The following GALNTL5 variants were observed in gnomAD, a reference collection of about 807,000 sequenced individuals.
GALNTL5 encodes polypeptide N-acetylgalactosaminyltransferase like 5.
Under a neutral mutation model 51.0 loss-of-function variants are expected in GALNTL5, and 44 were observed. The ratio of observed to expected loss-of-function variants is 0.86; its 90% CI spans 0.68 to 1.11. The LOEUF (loss-of-function observed/expected upper bound fraction) is 1.11, where lower values mean the gene tolerates loss of function less well. Ranked by LOEUF, GALNTL5 falls within the 50% of genes least tolerant of loss-of-function variation. The pLI is 0.00. For missense variants in GALNTL5, 528 were observed against 531.8 expected (o/e 0.99, Z 0.07); for synonymous variants, 192 against 182.8 (o/e 1.05, Z -0.41).
intron 8 of GALNTL5, among the ~76,000 whole-genome samples, chr7:152,018,732 A>C (rs2081850705): frequency 6.6e-6 from 1 of 151,798 alleles, no homozygotes; most frequent in Non-Finnish European, 1.5e-5. Context: ...CTGCAGGCTC[A>C]CCCCCTGCAC....
At chr7:151,987,549 A>ACT (rs2081373315) in intron 5 of GALNTL5, among the ~76,000 whole-genome samples, 1 of 136,972 alleles carries the variant, frequency 7.3e-6, no homozygotes, top group Non-Finnish European at 1.5e-5. Context: ...CCCAGTACAA[A>ACT]CTCTGAAATG....
intron 5 of GALNTL5, among the ~76,000 whole-genome samples, chr7:151,990,069 G>T (rs1056762187): frequency 3.3e-5 from 5 of 151,932 alleles, no homozygotes; most frequent in South Asian, 2.1e-4. Flanking sequence ...TTGAGATAGG[G>T]TCTCACTCTG....
At chr7:151,990,473 C>T (rs900050777) in intron 5 of GALNTL5, among the ~76,000 whole-genome samples, 1 of 145,800 alleles carries the variant, frequency 6.9e-6, no homozygotes. Flanking sequence ...CCCAGCTACT[C>T]GGGAGGCTGA....
chr7:151,988,266 G>A (rs529818606), intron 5 of GALNTL5, among the ~76,000 whole-genome samples: 1 of 152,322 alleles, frequency 6.6e-6, no homozygotes, highest in East Asian at 1.9e-4. Context: ...GGCTGTCAAC[G>A]CTGCTGGGCG....
chr7:151,994,356 T>C (rs1351807075), intron 5 of GALNTL5, among the ~76,000 whole-genome samples: 3 of 152,220 alleles, frequency 2.0e-5, no homozygotes, highest in Non-Finnish European at 2.9e-5. Flanking sequence ...CTACTGAGCC[T>C]GGAGACGGGT....
At chr7:151,988,715 C>CTT (rs3037136) in intron 5 of GALNTL5, among the ~76,000 whole-genome samples, 74,868 of 142,958 alleles carry the variant, frequency 0.52, 21,235 homozygotes, top group Middle Eastern at 0.67. Context: ...ATTTATTTTA[C>CTT]TTTTTTTTTT....
chr7:151,991,123 C>T (rs760415663), intron 5 of GALNTL5, among the ~76,000 whole-genome samples: 2 of 152,028 alleles, frequency 1.3e-5, no homozygotes, highest in African/African-American at 2.4e-5. Context: ...GATGGAGTCT[C>T]GCTCTGTCGC....
chr7:152,014,825 A>G (rs772766224), intron 8 of GALNTL5, 32 bp downstream of exon 8: 1 of 1,578,760 alleles, frequency 6.3e-7, no homozygotes, highest in Middle Eastern at 1.7e-4. Context: ...TGGAAAATGT[A>G]TGCGAGGCCG....
chr7:152,014,878 A>G, intron 8 of GALNTL5, 85 bp downstream of exon 8: 1 of 1,314,330 alleles, frequency 7.6e-7, no homozygotes, highest in Non-Finnish European at 1.0e-6. Context: ...GCCTTTCCAG[A>G]TCCAGCGTTT....
At chr7:151,976,964 G>C (rs931309598) in intron 3 of GALNTL5, among the ~76,000 whole-genome samples, 1 of 152,184 alleles carries the variant, frequency 6.6e-6, no homozygotes, top group East Asian at 1.9e-4. Context: ...CACTGCACCT[G>C]GCCTATTATT....
intron 3 of GALNTL5, among the ~76,000 whole-genome samples, chr7:151,979,965 G>A (rs866513671): frequency 6.6e-6 from 1 of 152,164 alleles, no homozygotes; most frequent in African/African-American, 2.4e-5. Context: ...TGTGATTTTA[G>A]CAGCAGAAGT....
chr7:151,965,402 T>C (rs2151938094), intron 1 of GALNTL5, among the ~76,000 whole-genome samples: 1 of 152,310 alleles, frequency 6.6e-6, no homozygotes, highest in African/African-American at 2.4e-5. Flanking sequence ...ACACATTCAA[T>C]CTATCATCTT....
At chr7:151,958,401 C>G (rs1376069919) in intron 1 of GALNTL5, among the ~76,000 whole-genome samples, 1 of 152,212 alleles carries the variant, frequency 6.6e-6, no homozygotes, top group Non-Finnish European at 1.5e-5. Context: ...ATGCCAACCG[C>G]CACAGAGCCC....
chr7:152,001,322 T>C (rs1488893384), intron 5 of GALNTL5, among the ~76,000 whole-genome samples: 1 of 152,120 alleles, frequency 6.6e-6, no homozygotes, highest in Non-Finnish European at 1.5e-5. Context: ...TTTGGTGTCA[T>C]ATCTAAGAAA....
At chr7:151,991,244 C>T (rs138764806) in intron 5 of GALNTL5, among the ~76,000 whole-genome samples, 2,910 of 152,202 alleles carry the variant, frequency 0.019, 166 homozygotes, top group Admixed American at 0.11. Flanking sequence ...AAGCACCCAC[C>T]ACCACACCCG....
intron 2 of GALNTL5, 98 bp from the exon 3 acceptor site, chr7:151,970,847 T>C (rs1470322917): frequency 1.0e-6 from 1 of 993,730 alleles, no homozygotes. Context: ...CTATTCTGGT[T>C]CTTTTAAAAA....
At chr7:152,003,942 C>T (rs144008744) in intron 6 of GALNTL5, among the ~76,000 whole-genome samples, 19 of 152,166 alleles carry the variant, frequency 1.2e-4, no homozygotes, top group African/African-American at 3.1e-4. Context: ...ATACACTGCT[C>T]GTGTGTATAT....
At chr7:152,007,212 G>A (rs2081656422) in intron 6 of GALNTL5, among the ~76,000 whole-genome samples, 2 of 152,056 alleles carry the variant, frequency 1.3e-5, no homozygotes, top group Non-Finnish European at 2.9e-5. Context: ...TCTGAGCCCT[G>A]CTACCCAGTT....
chr7:151,983,986 G>A (rs1285008321), intron 4 of GALNTL5: 1 of 152,284 alleles, frequency 6.6e-6, no homozygotes, highest in African/African-American at 2.4e-5. Flanking sequence ...AGGCCAAGGT[G>A]GGCAGATCCC....
Sources: gnomAD v4.1 joint callset for allele counts (sites outside exome capture counted in the v4.1 genomes callset) on GRCh38, gnomAD v4.1.1 for gene constraint, MANE v1.5 for transcripts, NCBI Gene and HGNC (gene_info 2026-07-23, HGNC 2026-07-21) for gene names.